The following TRPV4 variants were observed in gnomAD, a reference collection of about 807,000 sequenced individuals.
TRPV4 encodes the protein transient receptor potential cation channel subfamily V member 4.
A neutral mutation model predicts 84.1 loss-of-function variants in TRPV4; 58 were observed. That is an observed-to-expected ratio of 0.69 (90% CI 0.56 to 0.86). The LOEUF is 0.86. Ranked by LOEUF, TRPV4 falls within the 40% of genes least tolerant of loss-of-function variation. TRPV4 has a pLI of 0.00. For missense variants in TRPV4, 879 were observed against 1,181.1 expected, an observed-to-expected ratio of 0.74 and a Z score of 3.75; for synonymous variants, 489 against 500.9, an observed-to-expected ratio of 0.98 and a Z score of 0.32.
intron 14 of TRPV4, among the ~76,000 whole-genome samples, chr12:109,785,592 T>C (rs905054514): frequency 6.6e-6 from 1 of 151,946 alleles, no homozygotes; most frequent in Non-Finnish European, 1.5e-5. Context: ...CTAATTTTTG[T>C]ATTTTTAGTG....
At chr12:109,833,094 A>G (rs1892459259) in intron 1 of TRPV4, among the ~76,000 whole-genome samples, 3 of 151,796 alleles carry the variant, frequency 2.0e-5, no homozygotes, top group African/African-American at 4.8e-5. Flanking sequence ...CTCCCCCCAG[A>G]CCTGCTACCC....
chr12:109,785,235 T>C (rs2136423531), intron 14 of TRPV4, among the ~76,000 whole-genome samples: 1 of 152,120 alleles, frequency 6.6e-6, no homozygotes, highest in South Asian at 2.1e-4. Context: ...ATGTTGGTCT[T>C]GAACTCCTGG....
chr12:109,820,564 C>G (rs1892059840), intron 1 of TRPV4, among the ~76,000 whole-genome samples: 1 of 142,100 alleles, frequency 7.0e-6, no homozygotes, highest in African/African-American at 2.7e-5. Context: ...CCCTCTGTCG[C>G]CTAGGCTGGA....
intron 4 of TRPV4, among the ~76,000 whole-genome samples, chr12:109,801,347 C>T (rs1191522019): frequency 6.6e-6 from 1 of 152,164 alleles, no homozygotes; most frequent in African/African-American, 2.4e-5. Flanking sequence ...GGGAGGGACC[C>T]TGTGAAAGGT....
intron 2 of TRPV4, among the ~76,000 whole-genome samples, chr12:109,813,815 C>T (rs1039066070): frequency 5.5e-5 from 8 of 146,590 alleles, no homozygotes; most frequent in East Asian, 2.1e-4. Context: ...GATGAATAGA[C>T]GAGTAGATGG....
In TRPV4 at chr12:109,800,493, G is replaced by A. The variant is rs191191008; in HGVS notation, c.853+125C>T. The A allele has an allele frequency of 8.6e-4, 1,088 of 1,259,958 alleles. 18 individuals are homozygous for A. In the East Asian group the frequency reaches 0.022, roughly 26 times the overall value. 78.0% of individuals were successfully genotyped at this position (1,259,958 alleles called of 1,614,324 possible). A position where few individuals can be genotyped will look rare whatever the true frequency, so the allele number is the denominator to read the frequency against. ...GCCTGTGGTCCAGAGTGCTGCCTGC[G>A]CTCATGGCCAGAGTGGCCCTGGGTG... On this transcript the variant is annotated intron_variant, in intron 5 of 15. Coordinates refer to ENST00000261740, the MANE Select transcript of TRPV4 (RefSeq NM_021625.5).
rs547822228 is a variant in TRPV4 at position 109,815,572 on chromosome 12, C to G, written c.-31-745G>C. 2.0e-5 allele frequency among the ~76,000 whole-genome samples: 3 copies of G among 152,354 alleles called. No homozygotes were observed. Among genetic ancestry groups the G allele is most frequent in the Admixed American group, 6.5e-5 (1 of 15,302 alleles). ...CTCCCTGCACCTTTGCTGGTCAACT[C>G]CTCCCCACTGGTGTTCCAGCTCAAC... On this transcript the variant is annotated intron_variant, in intron 1 of 15. Coordinates refer to ENST00000261740, the MANE Select transcript of TRPV4 (RefSeq NM_021625.5). The surrounding 1 kb of genome is among the most constrained non-coding windows in gnomAD (Gnocchi z 4.1).
At chr12:109,824,756 C>CAACAAAACAAAACAAAACAA in intron 1 of TRPV4, among the ~76,000 whole-genome samples, 1 of 120,030 alleles carries the variant, frequency 8.3e-6, no homozygotes, top group South Asian at 3.4e-4. Flanking sequence ...GACTCCATCT[C>CAACAAAACAAAACAAAACAA]AACAAAACAA....
rs12304529 is a variant in TRPV4, at chr12:109,798,542, A to G, written c.1152+72T>C. Reference sequence around the variant, plus strand: ...GCACGTATTAATAATGAATACCAGCAGCAGACCCTCGTGTGTGTGTGCAGA... The same window carrying G: ...GCACGTATTAATAATGAATACCAGCGGCAGACCCTCGTGTGTGTGTGCAGA... On this transcript the variant is annotated intron_variant, in intron 6 of 15. Transcript: ENST00000261740. The surrounding 1 kb of genome is among the most constrained non-coding windows in gnomAD (Gnocchi z 5.0). 19,195 of 1,572,020 alleles carry G rather than the reference A, an allele frequency of 0.012. 205 individuals are homozygous for G. Among genetic ancestry groups the G allele is most frequent in the African/African-American group, 0.054 (4,022 of 74,438 alleles).
rs1472769880 is a variant in TRPV4 at position 109,788,650 on chromosome 12, G to A, written c.1958C>T (p.Thr653Ile). 1.2e-6 allele frequency: 2 copies of A among 1,614,228 alleles called. No homozygotes were observed. The highest frequency in any genetic ancestry group is 3.3e-5 in the Admixed American group (2 of 60,026). ...KVCNEDQTNC[T>I]VPTYPSCRDS... ...ACGGCACGAGGGGTAAGTGGGCACT[G>A]TGCAGTTGGTCTGGTCCTCATTGCA... Residue 653 changes from threonine to isoleucine, a missense_variant, in exon 13 of 16, where the codon ACA becomes ATA. Around this residue, in one of 4 missense-constraint regions of TRPV4, gnomAD observed 242 missense variants for 355.3 expected, o/e 0.68. Coordinates refer to ENST00000261740, the MANE Select transcript of TRPV4 (RefSeq NM_021625.5).
chr12:109,786,616 A>G lies in TRPV4; in HGVS notation c.2336+94T>C. On this transcript the variant is annotated intron_variant, in intron 14 of 15. Coordinates refer to ENST00000261740, the MANE Select transcript of TRPV4 (RefSeq NM_021625.5). The surrounding 1 kb of genome is among the most constrained non-coding windows in gnomAD (Gnocchi z 4.5). ...TCTTGGGGCCTCAGTGGCTCCAGAA[A>G]TTGCAATGGGTAGACGACGCTGGAG... The G allele has an allele frequency of 6.5e-7, 1 of 1,537,906 alleles. No homozygotes were observed. The highest frequency in any genetic ancestry group is 1.2e-5 in the South Asian group (1 of 86,024).
rs1198481685 is a variant in TRPV4 at position 109,786,986 on chromosome 12, T to C, written c.2209-149A>G. On this transcript the variant is annotated intron_variant, in intron 13 of 15. Transcript: ENST00000261740. The surrounding 1 kb of genome is among the most constrained non-coding windows in gnomAD (Gnocchi z 4.5). ...CCCACTAGACACAGGGTTTATAAACTCAAATACCCACAGGTGGCAGGCAGG... is the reference window on the plus strand; with the variant it reads ...CCCACTAGACACAGGGTTTATAAACCCAAATACCCACAGGTGGCAGGCAGG... 2.4e-5 allele frequency: 28 copies of C among 1,153,538 alleles called. No homozygotes were observed. The highest frequency in any genetic ancestry group is 4.9e-6 in the Non-Finnish European group (4 of 810,912). 71.5% of individuals were successfully genotyped at this position (1,153,538 alleles called of 1,614,324 possible).
rs1291110449 is a variant in TRPV4 at position 109,793,981 on chromosome 12, C to T, written c.1533G>A (p.Leu511=). 1.9e-6 allele frequency: 3 copies of T among 1,610,620 alleles called. No individual in the cohort carries two copies. The highest frequency in any genetic ancestry group is 2.7e-5 in the African/African-American group (2 of 74,882). ...TGAAGAGCGTAATGACCTCGCCAGC[C>T]AGCCGCAGGTAGTCCACCGTGGTGC... ...PYRTTVDYLR[L]AGEVITLFTG... The change falls in exon 9 of 16, where the codon CTG becomes CTA. Residue 511 remains leucine (L), a synonymous_variant. Transcript: ENST00000261740. The surrounding 1 kb of genome is among the most constrained non-coding windows in gnomAD (Gnocchi z 4.0).
In TRPV4 at chr12:109,792,444, G is replaced by C. The variant is rs200602134; in HGVS notation, c.1825-15C>G. On this transcript the variant is annotated splice_polypyrimidine_tract_variant and intron_variant, in intron 11 of 15. Coordinates refer to ENST00000261740, the MANE Select transcript of TRPV4 (RefSeq NM_021625.5). ...TTGAAGAGAATCTAAAGACCCCAGC[G>C]GGATTATGGAGGCAAAGAGGAGACA... is the stretch of plus-strand genomic sequence containing the variant. The C allele has an allele frequency of 3.1e-4, 505 of 1,613,404 alleles. No individual in the cohort carries two copies. The highest frequency in any genetic ancestry group is 5.3e-4 in the Admixed American group (32 of 59,976).
In TRPV4 at chr12:109,796,806, C is replaced by A. The variant is rs534974766; in HGVS notation, c.1153-102G>T. 15 of 1,234,104 alleles carry A rather than the reference C, an allele frequency of 1.2e-5. No individual in the cohort carries two copies. The highest frequency in any genetic ancestry group is 1.7e-5 in the Non-Finnish European group (15 of 900,590). 76.4% of individuals were successfully genotyped at this position (1,234,104 alleles called of 1,614,324 possible). ...GCCTCCCCAGAAAACAGCTAAGCACCGGCTGCTGGAGGACCCTTTCCTCAT... is the reference window on the plus strand; with the variant it reads ...GCCTCCCCAGAAAACAGCTAAGCACAGGCTGCTGGAGGACCCTTTCCTCAT... On this transcript the variant is annotated intron_variant, in intron 6 of 15. Transcript: ENST00000261740. This position sits in a 1 kb window ranked among gnomAD's most constrained non-coding sequence, Gnocchi z 4.2.
At chr12:109,801,296 T>C (rs1437362304) in intron 4 of TRPV4, among the ~76,000 whole-genome samples, 14 of 152,168 alleles carry the variant, frequency 9.2e-5, no homozygotes, top group Non-Finnish European at 1.9e-4. Context: ...CACACCTAAA[T>C]CTCACCTTGA....
chr12:109,813,462 G>A (rs1219100957), intron 2 of TRPV4, among the ~76,000 whole-genome samples: 1 of 152,176 alleles, frequency 6.6e-6, no homozygotes, highest in East Asian at 1.9e-4. Flanking sequence ...TGAGTAAATA[G>A]TTGTATAAAT....
intron 1 of TRPV4, among the ~76,000 whole-genome samples, chr12:109,822,241 G>C (rs1219317564): frequency 6.6e-6 from 1 of 151,984 alleles, no homozygotes; most frequent in Non-Finnish European, 1.5e-5. Context: ...TCCATGGGTA[G>C]GAAGGAGCCC....
intron 5 of TRPV4, among the ~76,000 whole-genome samples, 197 bp from the exon 6 acceptor site, chr12:109,799,109 G>T (rs930156938): frequency 2.0e-5 from 3 of 152,146 alleles, no homozygotes; most frequent in South Asian, 2.1e-4. Context: ...ACAGCCACGC[G>T]ATTTGGAGGC....
Sources: gnomAD v4.1 joint callset for allele counts (sites outside exome capture counted in the v4.1 genomes callset) on GRCh38, gnomAD v4.1.1 for gene constraint, gnomAD v4.1.1 regional missense constraint, Gnocchi (gnomAD v3.1) non-coding constraint, MANE v1.5 for transcripts, NCBI Gene and HGNC (gene_info 2026-07-23, HGNC 2026-07-21) for gene names.